The following ATM variants were observed in gnomAD, a reference collection of about 807,000 sequenced individuals.
ATM encodes the protein ATM serine/threonine kinase.
In ATM, 308 loss-of-function variants were observed where a neutral mutation model predicts 387.0. The observed-to-expected ratio is 0.80, with a 90% confidence interval of 0.73 to 0.87. The LOEUF (loss-of-function observed/expected upper bound fraction) is 0.87, where lower values mean the gene tolerates loss of function less well. ATM is among the 40% of genes least tolerant of loss of function. ATM has a pLI of 0.00. For missense variants in ATM, 3,312 were observed against 3,560.9 expected, an observed-to-expected ratio of 0.93 and a Z score of 1.78; for synonymous variants, 1,156 against 1,187.3, an observed-to-expected ratio of 0.97 and a Z score of 0.54.
At chr11:108,364,800 G>C (rs946234466) in intron 61 of ATM, among the ~76,000 whole-genome samples, 70 of 152,264 alleles carry the variant, frequency 4.6e-4, no homozygotes, top group African/African-American at 1.6e-3. Flanking sequence ...GAAAGAAAGT[G>C]ACTAACCTTT....
chr11:108,269,819 C>A (rs2081474519), intron 18 of ATM, among the ~76,000 whole-genome samples: 1 of 152,214 alleles, frequency 6.6e-6, no homozygotes. Context: ...AAATGCACGT[C>A]AATCCCTTAG....
At chr11:108,340,290 C>T (rs2087382994) in intron 56 of ATM, 1 of 152,138 alleles carries the variant, frequency 6.6e-6, no homozygotes, top group Non-Finnish European at 1.5e-5. Flanking sequence ...TTTCTCTTTC[C>T]ACCAACTTCC....
At position 108,367,758 on chromosome 11, in the gene ATM, A is replaced by G; in HGVS notation, c.*2250A>G. On this transcript the variant is annotated 3_prime_UTR_variant, in exon 63 of 63. Coordinates refer to ENST00000675843, the MANE Select transcript of ATM (RefSeq NM_000051.4). ...CAATCTCCAGAACTTTTTGGACTATAAATTTCTTGGTTTGACTTCTGGAGA... is the reference window on the plus strand; with the variant it reads ...CAATCTCCAGAACTTTTTGGACTATGAATTTCTTGGTTTGACTTCTGGAGA... 1 of 217,052 alleles carries G rather than the reference A, an allele frequency of 4.6e-6. No homozygotes were observed. The highest frequency in any genetic ancestry group is 2.2e-5 in the African/African-American group (1 of 44,550). The allele number at this position is 217,052 out of a possible 1,614,324, so 13.4% of individuals were successfully genotyped here. A position where few individuals can be genotyped will look rare whatever the true frequency, so the allele number is the denominator to read the frequency against.
Position 108,293,269 on chromosome 11 carries a change from ATTAT to A in ATM, c.4612-41_4612-38del, listed in dbSNP as rs1403279604. 8.0e-7 allele frequency: 1 copy of A among 1,246,072 alleles called. No individual in the cohort carries two copies. The highest frequency in any genetic ancestry group is 1.5e-5 in the African/African-American group (1 of 65,354). 77.2% of individuals were successfully genotyped at this position (1,246,072 alleles called of 1,614,324 possible). On this transcript the variant is annotated intron_variant, in intron 30 of 62. Transcript: ENST00000675843. The stretch of plus-strand genomic sequence containing the variant: ...GTAAGTTTTGTTGGCTTACTTTAAA[ATTAT>A]TTCTCTCCTTATAATTTTTTCTTTT...
chr11:108,249,429 AT>A (rs2080021798), intron 9 of ATM, among the ~76,000 whole-genome samples: 1 of 152,244 alleles, frequency 6.6e-6, no homozygotes, highest in Non-Finnish European at 1.5e-5. Context: ...AGATTTTAGC[AT>A]ACGTAGCACC....
chr11:108,267,038 C>T (rs974281962), intron 16 of ATM, 133 bp from the exon 17 acceptor site: 78 of 839,432 alleles, frequency 9.3e-5, no homozygotes, highest in Admixed American at 6.5e-4. Context: ...TCAGGTGATC[C>T]ACCTGGCTCT....
At chr11:108,356,541 A>T (rs111301767) in intron 61 of ATM, among the ~76,000 whole-genome samples, 3,121 of 92,832 alleles carry the variant, frequency 0.034, 117 homozygotes, top group African/African-American at 0.12. Context: ...TGTCTGTCTT[A>T]AAAAAAAAAA....
intron 61 of ATM, among the ~76,000 whole-genome samples, chr11:108,358,311 A>G (rs1216370204): frequency 5.6e-5 from 8 of 143,640 alleles, no homozygotes; most frequent in East Asian, 2.1e-4. Flanking sequence ...GACCAAATCT[A>G]CGTCTGATTG....
chr11:108,357,214 C>A (rs927665694), intron 61 of ATM, among the ~76,000 whole-genome samples: 6 of 152,210 alleles, frequency 3.9e-5, no homozygotes, highest in African/African-American at 1.4e-4. Context: ...GTCACTCCCA[C>A]CCGAATATTG....
In ATM at chr11:108,316,850, TGGGA is replaced by T. The variant is rs575571418; in HGVS notation, c.6199-520_6199-517del. 2.1e-3 allele frequency among the ~76,000 whole-genome samples: 315 copies of T among 151,114 alleles called. 1 individual carries two copies. The highest frequency in any genetic ancestry group is 7.1e-3 in the African/African-American group (294 of 41,200). On this transcript the variant is annotated intron_variant, in intron 42 of 62. Transcript: ENST00000675843. ...CTGAGGCAGGAGAATGGCGTGAACC[TGGGA>T]GGCAGAGGTTGCAGTGAGCCGAGAT...
At chr11:108,233,191 G>C (rs2135092042) in intron 4 of ATM, among the ~76,000 whole-genome samples, 1 of 152,220 alleles carries the variant, frequency 6.6e-6, no homozygotes, top group South Asian at 2.1e-4. Context: ...GCATTTGTCT[G>C]CTTTTGTACA....
chr11:108,247,470 T>C (rs1211478929), intron 8 of ATM, among the ~76,000 whole-genome samples: 2 of 152,218 alleles, frequency 1.3e-5, no homozygotes, highest in Admixed American at 6.5e-5. Context: ...AGTCTGTTTC[T>C]TTTTTGCAAT....
chr11:108,338,245 G>A (rs540727857), intron 56 of ATM, among the ~76,000 whole-genome samples: 9 of 151,938 alleles, frequency 5.9e-5, no homozygotes, highest in Non-Finnish European at 1.2e-4. Flanking sequence ...CAGCTACTTG[G>A]GAGGCTGAGG....
chr11:108,330,645 C>G lies in ATM; in HGVS notation c.7515+224C>G, dbSNP rs114421859. On this transcript the variant is annotated intron_variant, in intron 50 of 62. Coordinates refer to ENST00000675843, the MANE Select transcript of ATM (RefSeq NM_000051.4). ...AGTTCCTTTGTATTATATAAGCTGA[C>G]AAGCTGTAAATGATGCAAGTTTGTG... Among the ~76,000 whole-genome samples the G allele has an allele frequency of 3.0e-3, 458 of 152,272 alleles. No individual in the cohort carries two copies. The highest frequency in any genetic ancestry group is 0.011 in the African/African-American group (439 of 41,558).
rs989023883 is a variant in ATM at position 108,307,816 on chromosome 11, G to A, written c.5675-81G>A. ...CCACCAGAACCTTATAGCATAGTGG[G>A]AGACAGACACATAAACAAGAAGGAA... On this transcript the variant is annotated intron_variant, in intron 37 of 62. Coordinates refer to ENST00000675843, the MANE Select transcript of ATM (RefSeq NM_000051.4). 5 of 1,280,294 alleles carry A rather than the reference G, an allele frequency of 3.9e-6. No individual in the cohort carries two copies. The African/African-American group carries it at 7.4e-5, about 19-fold the overall frequency. The allele number at this position is 1,280,294 out of a possible 1,614,324, so 79.3% of individuals were successfully genotyped here.
chr11:108,315,699 T>G (rs1459395681), intron 40 of ATM, 124 bp from the exon 41 acceptor site: 4 of 741,972 alleles, frequency 5.4e-6, no homozygotes, highest in Non-Finnish European at 9.2e-6. Flanking sequence ...CATTACATTT[T>G]ATTTCTATAA....
chr11:108,355,160 G>T, intron 61 of ATM: 1 of 390,496 alleles, frequency 2.6e-6, no homozygotes, highest in Non-Finnish European at 4.7e-6. Context: ...ATTCCATATG[G>T]TATTATTATT....
At position 108,345,662 on chromosome 11, in the gene ATM, C is replaced by T. The variant is rs1350725896; in HGVS notation, c.8419-81C>T. 4 of 1,187,370 alleles carry T rather than the reference C, an allele frequency of 3.4e-6. No homozygotes were observed. In the African/African-American group the frequency reaches 6.2e-5, roughly 19 times the overall value. 73.6% of individuals were successfully genotyped at this position (1,187,370 alleles called of 1,614,324 possible). On this transcript the variant is annotated intron_variant, in intron 57 of 62. Transcript: ENST00000675843. ...TCATCTTTATTGCCCCTATATCTGT[C>T]ATATTTTTATATAAAAATGTGTATA...
At position 108,237,351 on chromosome 11, in the gene ATM, C is replaced by A. The variant is rs74966534; in HGVS notation, c.496+1517C>A. On this transcript the variant is annotated intron_variant, in intron 5 of 62. Transcript: ENST00000675843. ...TTAGGTCATTTTACATTATCACTTA[C>A]AACCATGGCTGTCACTGAAACAAAG... Among the ~76,000 whole-genome samples the A allele has an allele frequency of 5.2e-3, 792 of 152,228 alleles. 8 individuals carry two copies. The highest frequency in any genetic ancestry group is 0.018 in the African/African-American group (761 of 41,542).
Sources: gnomAD v4.1 joint callset for allele counts (sites outside exome capture counted in the v4.1 genomes callset) on GRCh38, gnomAD v4.1.1 for gene constraint, MANE v1.5 for transcripts, NCBI Gene and HGNC (gene_info 2026-07-23, HGNC 2026-07-21) for gene names.